Variants in AGTPBP1 observed in about 807,000 individuals in gnomAD.
The protein encoded by AGTPBP1 is cytosolic carboxypeptidase 1.
A neutral mutation model predicts 143.9 loss-of-function variants in AGTPBP1; 70 were observed. The ratio of observed to expected loss-of-function variants is 0.49; its 90% CI spans 0.40 to 0.59. The LOEUF (loss-of-function observed/expected upper bound fraction) is 0.59, where lower values mean the gene tolerates loss of function less well. AGTPBP1 is among the 20% of genes least tolerant of loss of function. The pLI is 0.00. For missense variants in AGTPBP1, 1,229 were observed against 1,464.5 expected (o/e 0.84, Z 2.62); for synonymous variants, 463 against 500.2 (o/e 0.93, Z 0.99).
chr9:85,632,404 T>C (rs1180522388), intron 14 of AGTPBP1, among the ~76,000 whole-genome samples: 1 of 152,228 alleles, frequency 6.6e-6, no homozygotes, highest in African/African-American at 2.4e-5. Context: ...GATTCAGTAT[T>C]AATAGAAAAT....
intron 25 of AGTPBP1, among the ~76,000 whole-genome samples, chr9:85,572,378 T>C (rs1011047329): frequency 3.3e-5 from 5 of 152,090 alleles, no homozygotes; most frequent in Non-Finnish European, 7.3e-5. Flanking sequence ...TGAGGAGTTC[T>C]TAACCTTTTT....
intron 11 of AGTPBP1, 75 bp downstream of exon 11, chr9:85,655,068 A>G: frequency 2.2e-6 from 3 of 1,352,522 alleles, no homozygotes; most frequent in Non-Finnish European, 3.0e-6. Context: ...GGAGTTAGAC[A>G]TAAATAAAAA....
At chr9:85,590,297 A>C (rs2133211584) in intron 19 of AGTPBP1, among the ~76,000 whole-genome samples, 1 of 152,244 alleles carries the variant, frequency 6.6e-6, no homozygotes, top group Non-Finnish European at 1.5e-5. Context: ...TGTAAGCAAA[A>C]CCATGATTAC....
intron 1 of AGTPBP1, among the ~76,000 whole-genome samples, chr9:85,741,003 G>C (rs888187018): frequency 1.3e-5 from 2 of 152,170 alleles, no homozygotes; most frequent in Non-Finnish European, 2.9e-5. Flanking sequence ...CCTGGTGCTC[G>C]TAAGAGGTTT....
At chr9:85,783,652 T>G in the AGTPBP1 span, among the ~76,000 whole-genome samples, 1 of 152,188 alleles carries the variant, frequency 6.6e-6, no homozygotes, top group African/African-American at 2.4e-5. Context: ...TTTTTGTTTT[T>G]GAATGGAGTT....
chr9:85,665,114 A>G (rs781388486), intron 8 of AGTPBP1, among the ~76,000 whole-genome samples: 2 of 152,196 alleles, frequency 1.3e-5, no homozygotes, highest in Non-Finnish European at 2.9e-5. Flanking sequence ...CCAACCCCCA[A>G]TACCTCCAAA....
chr9:85,571,276 G>A (rs1177444397), intron 25 of AGTPBP1, among the ~76,000 whole-genome samples: 1 of 152,158 alleles, frequency 6.6e-6, no homozygotes, highest in Non-Finnish European at 1.5e-5. Flanking sequence ...AGAAATGATT[G>A]ATGATTCCAA....
chr9:85,691,587 T>C (rs1835883457), intron 3 of AGTPBP1, among the ~76,000 whole-genome samples: 1 of 151,512 alleles, frequency 6.6e-6, no homozygotes, highest in Non-Finnish European at 1.5e-5. Context: ...GCACAGTTTT[T>C]AGTCTCATCA....
rs892596962 is a variant in AGTPBP1, at chr9:85,678,450, A to G, written c.226-52T>C. On this transcript the variant is annotated intron_variant, in intron 4 of 25. Transcript: ENST00000357081. ...AACATTGTAAACTTTTGATTCCCAG[A>G]CTTTTGAATCCACTGGGAACTACCT... 8.0e-6 allele frequency: 10 copies of G among 1,250,020 alleles called. No homozygotes were observed. In the South Asian group the frequency reaches 1.4e-4, roughly 18 times the overall value. The allele number at this position is 1,250,020 out of a possible 1,614,324, so 77.4% of individuals were successfully genotyped here.
the AGTPBP1 span, chr9:85,770,356 A>C: frequency 6.2e-7 from 1 of 1,607,174 alleles, no homozygotes; most frequent in Non-Finnish European, 8.5e-7. Flanking sequence ...CAAGAATGAA[A>C]GTATCCAGAA....
intron 25 of AGTPBP1, among the ~76,000 whole-genome samples, chr9:85,569,179 T>C (rs1827298979): frequency 6.6e-6 from 1 of 152,186 alleles, no homozygotes; most frequent in Non-Finnish European, 1.5e-5. Flanking sequence ...TAACTATGGC[T>C]GTTGTTACCA....
At chr9:85,759,946 G>A in the AGTPBP1 span, among the ~76,000 whole-genome samples, 1 of 152,010 alleles carries the variant, frequency 6.6e-6, no homozygotes, top group African/African-American at 2.4e-5. Flanking sequence ...TATCACCACC[G>A]ATCCCACAGA....
chr9:85,721,769 T>C (rs562287251), intron 1 of AGTPBP1, among the ~76,000 whole-genome samples: 2 of 152,346 alleles, frequency 1.3e-5, no homozygotes, highest in Admixed American at 6.5e-5. Context: ...ATAGCATTGA[T>C]GGTCTTTACA....
At chr9:85,767,348 ATTTT>A in the AGTPBP1 span, among the ~76,000 whole-genome samples, 2 of 105,122 alleles carry the variant, frequency 1.9e-5, no homozygotes, top group Admixed American at 9.6e-5. Flanking sequence ...TGCCCAGCTA[ATTTT>A]TTTTTTTTTT....
chr9:85,646,953 A>T (rs1457170530), intron 11 of AGTPBP1, among the ~76,000 whole-genome samples: 1 of 146,876 alleles, frequency 6.8e-6, no homozygotes, highest in Non-Finnish European at 1.5e-5. Flanking sequence ...AAAAAATTAC[A>T]CACACACACA....
intron 1 of AGTPBP1, among the ~76,000 whole-genome samples, chr9:85,740,506 C>G (rs1310671093): frequency 1.3e-5 from 2 of 152,222 alleles, no homozygotes; most frequent in African/African-American, 4.8e-5. Flanking sequence ...ACATTTGGCA[C>G]ATGTTTTAAA....
intron 2 of AGTPBP1, among the ~76,000 whole-genome samples, chr9:85,694,996 C>T (rs964078792): frequency 6.6e-6 from 1 of 152,158 alleles, no homozygotes; most frequent in South Asian, 2.1e-4. Context: ...CACTTCTCTC[C>T]ATATCTACTA....
intron 14 of AGTPBP1, among the ~76,000 whole-genome samples, chr9:85,628,599 G>A (rs778695844): frequency 1.5e-4 from 23 of 152,162 alleles, no homozygotes; most frequent in Admixed American, 6.5e-5. Context: ...AACTTCTGGA[G>A]AGACGTGGAT....
Position 85,642,885 on chromosome 9 carries a change from G to A in AGTPBP1, c.1244C>T (p.Thr415Ile). 6.2e-7 allele frequency: 1 copy of A among 1,613,410 alleles called. No individual in the cohort carries two copies. The highest frequency in any genetic ancestry group is 8.5e-7 in the Non-Finnish European group (1 of 1,179,812). ...KLKPQQEPGR[T>I]IEDLKMYEHL... ...TTCATACATTTTTAGATCTTCTATT[G>A]TTCGTCCCGGTTCTTGCTGGGGTTT... Residue 415 changes from threonine (T) to isoleucine (I), a missense_variant, in exon 13 of 26, where the codon ACA (threonine) becomes ATA (isoleucine). Thr to Ile is a moderately conservative substitution (Grantham distance 89, BLOSUM62 -1). Coordinates refer to ENST00000357081, the MANE Select transcript of AGTPBP1 (RefSeq NM_001330701.2).
Sources: allele counts gnomAD v4.1 joint callset (sites outside exome capture counted in the v4.1 genomes callset), GRCh38; gene constraint gnomAD v4.1.1; transcripts MANE v1.5; gene names NCBI Gene and HGNC (gene_info 2026-07-23, HGNC 2026-07-21).